PRDM11: variants seen among roughly 807,000 people sequenced by gnomAD.
PRDM11 encodes the protein PR/SET domain 11.
In PRDM11, 20 loss-of-function variants were observed where a neutral mutation model predicts 97.8. That is an observed-to-expected ratio of 0.20 (90% CI 0.14 to 0.30). The LOEUF is 0.30. Among genes scored for constraint, PRDM11 ranks in the 10% least tolerant of loss-of-function variants. The probability of loss-of-function intolerance (pLI) is 1.00; values close to 1 mark genes in which losing one functional copy is unlikely to be tolerated. For synonymous variants in PRDM11, 599 were observed against 637.7 expected (o/e 0.94, Z 0.91); for missense variants, 1,139 against 1,555.2 (o/e 0.73, Z 4.50).
chr11:45,191,253 A>G (rs1852902912), intron 4 of PRDM11, among the ~76,000 whole-genome samples: 2 of 152,174 alleles, frequency 1.3e-5, no homozygotes, highest in Admixed American at 1.3e-4. Context: ...TTTTGGCACA[A>G]GCAATGTTAG....
At chr11:45,209,896 G>A (rs1853658180) in intron 5 of PRDM11, among the ~76,000 whole-genome samples, 1 of 152,232 alleles carries the variant, frequency 6.6e-6, no homozygotes, top group Admixed American at 6.5e-5. Flanking sequence ...CAGCGGACTA[G>A]GATGTGAAGA....
intron 5 of PRDM11, among the ~76,000 whole-genome samples, chr11:45,216,787 A>G (rs74538078): frequency 2.0e-5 from 3 of 152,366 alleles, no homozygotes; most frequent in Non-Finnish European, 4.4e-5. Context: ...TGATGGATAG[A>G]AAAAGACCAG....
intron 1 of PRDM11, among the ~76,000 whole-genome samples, chr11:45,098,580 CTGGGATTTGCATCCATGTGGTCAGGT>C (rs1851922941): frequency 1.3e-5 from 2 of 152,178 alleles, no homozygotes; most frequent in South Asian, 4.1e-4. Flanking sequence ...GGAGGCAGAG[CTGGGATTTGCATCCATGTGGTCAGGT>C]CCCAGGATCC....
intron 1 of PRDM11, among the ~76,000 whole-genome samples, chr11:45,150,555 A>C (rs1293930895): frequency 6.6e-6 from 1 of 152,112 alleles, no homozygotes; most frequent in South Asian, 2.1e-4. Flanking sequence ...AGCTGGAAGG[A>C]GGTGTTAGGC....
Position 45,123,029 on chromosome 11 carries a change from G to A in PRDM11, c.96+27128G>A, listed in dbSNP as rs528070616. On this transcript the variant is annotated intron_variant, in intron 1 of 6. Coordinates refer to the PRDM11 transcript ENST00000530656. ...GTTGTTTCCTGACTTTTTAATGATC[G>A]CCATTCTAACTGGTGTGAGATGGTA... 6.5e-3 allele frequency among the ~76,000 whole-genome samples: 991 copies of A among 151,920 alleles called. 9 individuals are homozygous for A. Among genetic ancestry groups the A allele is most frequent in the Middle Eastern group, 0.02 (6 of 294 alleles).
chr11:45,096,944 A>G (rs4994000), intron 1 of PRDM11, among the ~76,000 whole-genome samples: 14,060 of 152,252 alleles, frequency 0.092, 731 homozygotes, highest in Middle Eastern at 0.21. Context: ...CTGCGTGGCC[A>G]TGCACCAGTC....
intron 1 of PRDM11, among the ~76,000 whole-genome samples, chr11:45,098,392 TG>T (rs1851920006): frequency 6.6e-6 from 1 of 152,126 alleles, no homozygotes; most frequent in Non-Finnish European, 1.5e-5. Flanking sequence ...AGAGCACAGA[TG>T]AATGGAGACT....
At position 45,231,641 on chromosome 11, in the gene PRDM11, C is replaced by T. The variant is rs989454904; in HGVS notation, c.*3482C>T. The T allele has an allele frequency of 6.6e-6, 1 of 151,498 alleles. No homozygotes were observed. Among genetic ancestry groups the T allele is most frequent in the Non-Finnish European group, 1.5e-5 (1 of 67,968 alleles). The allele number at this position is 151,498 out of a possible 1,614,324, so 9.4% of individuals were successfully genotyped here. On this transcript the variant is annotated 3_prime_UTR_variant, in exon 8 of 8. Coordinates refer to ENST00000683152, the MANE Select transcript of PRDM11 (RefSeq NM_001384648.1). Reference sequence around the variant, plus strand: ...TGTGGCCAACTGTGCCAAGGTGATACCTGGCAGAGCCTGGGAGCCAGAGCC... The same window carrying T: ...TGTGGCCAACTGTGCCAAGGTGATATCTGGCAGAGCCTGGGAGCCAGAGCC...
chr11:45,160,383 A>G (rs541304002), intron 1 of PRDM11, among the ~76,000 whole-genome samples: 2 of 152,362 alleles, frequency 1.3e-5, no homozygotes, highest in South Asian at 4.1e-4. Context: ...CTTGATGATC[A>G]CAACATTCCA....
At chr11:45,110,831 C>G (rs1403163581) in intron 1 of PRDM11, among the ~76,000 whole-genome samples, 1 of 152,204 alleles carries the variant, frequency 6.6e-6, no homozygotes, top group Non-Finnish European at 1.5e-5. Context: ...AGGCGCCTTT[C>G]TTTGCGTTGC....
chr11:45,227,403 G>A lies in PRDM11; in HGVS notation c.2778G>A (p.Pro926=), dbSNP rs1346362350. Residue 926 remains proline, a synonymous_variant, in exon 8 of 8, where the codon CCG becomes CCA. Coordinates refer to ENST00000683152, the MANE Select transcript of PRDM11 (RefSeq NM_001384648.1). This position sits in a 1 kb window ranked among gnomAD's most constrained non-coding sequence, Gnocchi z 8.0. ...AGATCAGCCGGCTGGCTGACTCCCC[G>A]GGAGAATACCTGCAGGAGTTCGAGG... ...IQEISRLADS[P]GEYLQEFEEN... is the part of the protein sequence containing the mutation. 49 of 1,533,762 alleles carry A rather than the reference G, an allele frequency of 3.2e-5. No individual in the cohort carries two copies. Among genetic ancestry groups the A allele is most frequent in the South Asian group, 8.3e-5 (7 of 83,970 alleles).
chr11:45,227,368 G>A lies in PRDM11; in HGVS notation c.2743G>A (p.Ala915Thr), dbSNP rs1218678387. The change falls in exon 8 of 8, where the codon GCC becomes ACC. Residue 915 changes from alanine to threonine, a missense_variant. Physicochemically the swap from Ala to Thr is moderately conservative, Grantham distance 58. This residue lies in a region of PRDM11 where 710 missense variants were observed against 1,044.9 expected (regional missense o/e 0.68). Transcript: ENST00000683152. This position sits in a 1 kb window ranked among gnomAD's most constrained non-coding sequence, Gnocchi z 8.0. ...VSQVDDKIEE[A>T]IQEISRLADS... is the part of the protein sequence containing the mutation. ...CCAGGTGGATGACAAGATCGAGGAG[G>A]CCATCCAGGAGATCAGCCGGCTGGC... 1.8e-5 allele frequency: 27 copies of A among 1,533,862 alleles called. No individual in the cohort carries two copies. Among genetic ancestry groups the A allele is most frequent in the Non-Finnish European group, 2.3e-5 (26 of 1,146,754 alleles).
intron 1 of PRDM11, among the ~76,000 whole-genome samples, chr11:45,101,026 C>T (rs931439501): frequency 2.0e-5 from 3 of 152,096 alleles, no homozygotes; most frequent in African/African-American, 7.2e-5. Flanking sequence ...AGTATTGTGG[C>T]TTTGTGTGTG....
At chr11:45,118,400 A>G (rs1045841472) in intron 1 of PRDM11, among the ~76,000 whole-genome samples, 1 of 152,202 alleles carries the variant, frequency 6.6e-6, no homozygotes, top group South Asian at 2.1e-4. Context: ...TGTTTTCCCA[A>G]TTTTTCTGTA....
intron 4 of PRDM11, among the ~76,000 whole-genome samples, chr11:45,198,500 ATTGAATTATGAATGCTTTATGG>A (rs1853211905): frequency 6.6e-6 from 1 of 152,242 alleles, no homozygotes; most frequent in Non-Finnish European, 1.5e-5. Context: ...GAAATGCAGG[ATTGAATTATGAATGCTTTATGG>A]ATTCAATGAA....
At chr11:45,113,344 G>A (rs1360304151) in intron 1 of PRDM11, among the ~76,000 whole-genome samples, 2 of 152,118 alleles carry the variant, frequency 1.3e-5, no homozygotes, top group African/African-American at 4.8e-5. Flanking sequence ...ACACTGTTTT[G>A]GTAACTATAG....
At chr11:45,114,717 C>A (rs904097969) in intron 1 of PRDM11, among the ~76,000 whole-genome samples, 1 of 152,006 alleles carries the variant, frequency 6.6e-6, no homozygotes, top group Non-Finnish European at 1.5e-5. Context: ...CACAAAAAAA[C>A]CATATCACAC....
intron 4 of PRDM11, among the ~76,000 whole-genome samples, chr11:45,190,037 T>C (rs1852852748): frequency 6.6e-6 from 1 of 152,118 alleles, no homozygotes; most frequent in South Asian, 2.1e-4. Context: ...GTGTAATGAA[T>C]ACCCTCACAC....
intron 4 of PRDM11, among the ~76,000 whole-genome samples, chr11:45,184,556 G>A (rs1452327101): frequency 1.3e-5 from 2 of 152,166 alleles, no homozygotes; most frequent in African/African-American, 2.4e-5. Context: ...CTCTGACTTA[G>A]ACATAGACTA....
Sources: allele counts gnomAD v4.1 joint callset (sites outside exome capture counted in the v4.1 genomes callset), GRCh38; gene constraint gnomAD v4.1.1; regional missense constraint gnomAD v4.1.1; non-coding constraint Gnocchi (gnomAD v3.1); transcripts MANE v1.5; gene names NCBI Gene and HGNC (gene_info 2026-07-23, HGNC 2026-07-21).